The following SH3PXD2A variants were observed in gnomAD, a reference collection of about 807,000 sequenced individuals.
SH3PXD2A encodes the protein SH3 and PX domain-containing protein 2A.
A neutral mutation model predicts 115.2 loss-of-function variants in SH3PXD2A; 32 were observed. The ratio of observed to expected loss-of-function variants is 0.28; its 90% CI spans 0.21 to 0.37. The LOEUF is 0.37. Among genes scored for constraint, SH3PXD2A ranks in the 10% least tolerant of loss-of-function variants. The pLI is 1.00. For missense variants in SH3PXD2A, 1,328 were observed against 1,498.7 expected, an observed-to-expected ratio of 0.89 and a Z score of 1.88; for synonymous variants, 610 against 629.1, an observed-to-expected ratio of 0.97 and a Z score of 0.45.
chr10:103,799,902 T>A (rs1027794521), intron 2 of SH3PXD2A, among the ~76,000 whole-genome samples: 1 of 152,068 alleles, frequency 6.6e-6, no homozygotes, highest in African/African-American at 2.4e-5. Context: ...CAATCCCACA[T>A]TGTTGGATTA....
intron 2 of SH3PXD2A, among the ~76,000 whole-genome samples, chr10:103,777,775 G>C (rs907449334): frequency 6.6e-6 from 1 of 152,150 alleles, no homozygotes; most frequent in Admixed American, 6.5e-5. Context: ...GTCAACAGAG[G>C]AGGATTCCAG....
Position 103,605,892 on chromosome 10 carries a change from T to A in SH3PXD2A, c.1334A>T (p.Glu445Val). 1 of 1,614,060 alleles carries A rather than the reference T, an allele frequency of 6.2e-7. No individual in the cohort carries two copies. The highest frequency in any genetic ancestry group is 8.5e-7 in the Non-Finnish European group (1 of 1,179,946). ...GTACTCCACCTCAACAGAAGGGGGCTCTGGTGGCTTTGGCAGTTGGAACCC... is the reference window on the plus strand; with the variant it reads ...GTACTCCACCTCAACAGAAGGGGGCACTGGTGGCTTTGGCAGTTGGAACCC... The part of the protein sequence containing the change: ...SLGFQLPKPP[E>V]PPSVEVEYYT... The change falls in exon 14 of 15, where the codon GAG becomes GTG. Residue 445 changes from glutamate to valine, a missense_variant. Glu to Val is a moderately radical substitution (Grantham distance 121). Around this residue, in one of 5 missense-constraint regions of SH3PXD2A, gnomAD observed 509 missense variants for 628.3 expected, o/e 0.81. Coordinates refer to ENST00000369774, the MANE Select transcript of SH3PXD2A (RefSeq NM_001394015.1).
At chr10:103,785,369 A>T (rs1361806600) in intron 2 of SH3PXD2A, among the ~76,000 whole-genome samples, 1 of 152,148 alleles carries the variant, frequency 6.6e-6, no homozygotes, top group African/African-American at 2.4e-5. Context: ...CAGTCAGATA[A>T]GGGGAAGAGC....
Position 103,629,233 on chromosome 10 carries a change from C to T in SH3PXD2A, c.605-2031G>A, listed in dbSNP as rs931457973. Among the ~76,000 whole-genome samples, 8 of 152,158 alleles carry T rather than the reference C, an allele frequency of 5.3e-5. No homozygotes were observed. In the South Asian group the frequency reaches 6.2e-4, roughly 12 times the overall value. On this transcript the variant is annotated intron_variant, in intron 8 of 14. Coordinates refer to ENST00000369774, the MANE Select transcript of SH3PXD2A (RefSeq NM_001394015.1). ...GAAAAAGGTAGGTACCTCTTAGGAG[C>T]GAATAGCTGAAGTCACTGAGCAGCT...
At chr10:103,794,883 C>G (rs544651324) in intron 2 of SH3PXD2A, among the ~76,000 whole-genome samples, 63 of 152,320 alleles carry the variant, frequency 4.1e-4, no homozygotes, top group Middle Eastern at 3.4e-3. Context: ...TTGGAATAGC[C>G]GCTGAGCTGA....
intron 7 of SH3PXD2A, among the ~76,000 whole-genome samples, chr10:103,664,996 T>C (rs1005442199): frequency 8.5e-5 from 13 of 152,176 alleles, no homozygotes; most frequent in African/African-American, 3.1e-4. Context: ...TCTAGTTGAC[T>C]CTTGCCACCT....
At chr10:103,755,176 A>G (rs2038625811) in intron 3 of SH3PXD2A, 1 of 152,224 alleles carries the variant, frequency 6.6e-6, no homozygotes, top group Admixed American at 6.5e-5. Flanking sequence ...TCACTCTTGG[A>G]AGGGATTCTA....
intron 3 of SH3PXD2A, among the ~76,000 whole-genome samples, chr10:103,751,169 T>C (rs955848647): frequency 6.6e-6 from 1 of 152,226 alleles, no homozygotes; most frequent in African/African-American, 2.4e-5. Flanking sequence ...TTCATTTGTA[T>C]AGAACTTTGT....
intron 4 of SH3PXD2A, among the ~76,000 whole-genome samples, chr10:103,725,797 C>A (rs2038233755): frequency 6.6e-6 from 1 of 151,372 alleles, no homozygotes; most frequent in African/African-American, 2.4e-5. Context: ...CCACTGCACC[C>A]CAGCCTGGGC....
chr10:103,662,558 C>T (rs1385663180), intron 7 of SH3PXD2A, among the ~76,000 whole-genome samples: 2 of 151,042 alleles, frequency 1.3e-5, no homozygotes, highest in Non-Finnish European at 3.0e-5. Flanking sequence ...CGCCACCGCG[C>T]CCGGCTAATT....
At chr10:103,698,674 C>G (rs1228390347) in intron 5 of SH3PXD2A, among the ~76,000 whole-genome samples, 1 of 152,084 alleles carries the variant, frequency 6.6e-6, no homozygotes, top group Non-Finnish European at 1.5e-5. Flanking sequence ...TTTTTAAGCT[C>G]TCGCTGTAGG....
At position 103,628,371 on chromosome 10, in the gene SH3PXD2A, C is replaced by T. The variant is rs138271280; in HGVS notation, c.605-1169G>A. On this transcript the variant is annotated intron_variant, in intron 8 of 14. Transcript: ENST00000369774. ...CTCCTACCCTTTCTGGGGAGTTCCA[C>T]AACCCTCTGCTTGCAGCTCTGCAAA... is the stretch of plus-strand genomic sequence containing the variant. Among the ~76,000 whole-genome samples, 286 of 152,288 alleles carry T rather than the reference C, an allele frequency of 1.9e-3. 2 individuals carry two copies. Among genetic ancestry groups the T allele is most frequent in the African/African-American group, 6.0e-3 (251 of 41,548 alleles).
rs140562429 is a variant in SH3PXD2A, at chr10:103,665,084, G to A, written c.472+3524C>T. 6.6e-6 allele frequency among the ~76,000 whole-genome samples: 1 copy of A among 152,272 alleles called. No homozygotes were observed. The highest frequency in any genetic ancestry group is 1.9e-4 in the East Asian group (1 of 5,188). ...AATGAACCAGTGAAACGCGTGAACT[G>A]GCAGAAAGATGAACAGAGGGACTCA... On this transcript the variant is annotated intron_variant, in intron 7 of 14. Coordinates refer to ENST00000369774, the MANE Select transcript of SH3PXD2A (RefSeq NM_001394015.1). The surrounding 1 kb of genome is among the most constrained non-coding windows in gnomAD (Gnocchi z 4.0).
At chr10:103,716,822 AAGGCTGCAACCTCAGCCCTG>A (rs1274757422) in intron 5 of SH3PXD2A, among the ~76,000 whole-genome samples, 1 of 152,232 alleles carries the variant, frequency 6.6e-6, no homozygotes, top group Non-Finnish European at 1.5e-5. Flanking sequence ...AGTGGTCAAG[AAGGCTGCAACCTCAGCCCTG>A]AGGCTGCAAA....
intron 1 of SH3PXD2A, among the ~76,000 whole-genome samples, chr10:103,835,262 C>T (rs949938705): frequency 2.6e-5 from 4 of 152,198 alleles, no homozygotes; most frequent in South Asian, 2.1e-4. Flanking sequence ...TTGCAGCTTC[C>T]GTGGGATTTC....
chr10:103,617,096 G>A (rs749982996), intron 11 of SH3PXD2A, 101 bp downstream of exon 11: 24 of 781,280 alleles, frequency 3.1e-5, no homozygotes, highest in African/African-American at 5.1e-5. Context: ...GCACAAAGCT[G>A]TCAGTATCTA....
intron 7 of SH3PXD2A, among the ~76,000 whole-genome samples, chr10:103,662,361 G>GGGGGT (rs2037321883): frequency 1.9e-5 from 2 of 104,480 alleles, no homozygotes; most frequent in African/African-American, 3.9e-5. Flanking sequence ...GGCGGGGGGG[G>GGGGGT]ATAAGACACT....
chr10:103,676,940 C>G (rs1357421772), intron 6 of SH3PXD2A, among the ~76,000 whole-genome samples: 2 of 152,174 alleles, frequency 1.3e-5, no homozygotes, highest in Admixed American at 1.3e-4. Flanking sequence ...CCCCAGAAGC[C>G]CGAGCCAAAG....
chr10:103,802,270 G>A (rs2039154875), intron 1 of SH3PXD2A, among the ~76,000 whole-genome samples: 1 of 152,170 alleles, frequency 6.6e-6, no homozygotes, highest in Non-Finnish European at 1.5e-5. Context: ...TCAGTGCCTG[G>A]CACAGAGCAG....
Sources: allele counts gnomAD v4.1 joint callset (sites outside exome capture counted in the v4.1 genomes callset), GRCh38; gene constraint gnomAD v4.1.1; regional missense constraint gnomAD v4.1.1; non-coding constraint Gnocchi (gnomAD v3.1); transcripts MANE v1.5; gene names NCBI Gene and HGNC (gene_info 2026-07-23, HGNC 2026-07-21).